The following ATRN variants were observed in gnomAD, a reference collection of about 807,000 sequenced individuals.
ATRN encodes attractin.
Under a neutral mutation model 178.7 loss-of-function variants are expected in ATRN, and 54 were observed. That is an observed-to-expected ratio of 0.30 (90% CI 0.24 to 0.38). The LOEUF is 0.38. Ranked by LOEUF, ATRN falls within the 10% of genes least tolerant of loss-of-function variation. The pLI is 1.00. For synonymous variants in ATRN, 636 were observed against 663.0 expected (o/e 0.96, Z 0.63); for missense variants, 1,443 against 1,815.1 (o/e 0.79, Z 3.73).
chr20:3,555,755 C>T (rs2085868645), intron 6 of ATRN, among the ~76,000 whole-genome samples: 1 of 152,156 alleles, frequency 6.6e-6, no homozygotes, highest in Non-Finnish European at 1.5e-5. Flanking sequence ...GAGAAATCAC[C>T]CACACTTTGC....
At chr20:3,486,923 A>G (rs2084702694) in intron 1 of ATRN, among the ~76,000 whole-genome samples, 1 of 152,060 alleles carries the variant, frequency 6.6e-6, no homozygotes, top group African/African-American at 2.4e-5. Context: ...TTTATTTGTT[A>G]TTATCTCTTA....
intron 24 of ATRN, among the ~76,000 whole-genome samples, chr20:3,618,649 A>C (rs1030538466): frequency 2.0e-5 from 3 of 152,196 alleles, no homozygotes; most frequent in Admixed American, 2.0e-4. Context: ...GTTCGTTTGC[A>C]TGGCAGGAAT....
At chr20:3,550,980 C>G (rs1165723670) in intron 6 of ATRN, among the ~76,000 whole-genome samples, 3 of 152,190 alleles carry the variant, frequency 2.0e-5, no homozygotes, top group Non-Finnish European at 4.4e-5. Flanking sequence ...TCTAAACGTT[C>G]CACATTCCAC....
chr20:3,545,713 C>A, intron 3 of ATRN, 49 bp from the exon 4 acceptor site: 1 of 1,576,642 alleles, frequency 6.3e-7, no homozygotes, highest in Non-Finnish European at 8.6e-7. Context: ...TACAATTTGA[C>A]ATGTCTGTGC....
chr20:3,531,510 G>C (rs1430659684), intron 1 of ATRN, among the ~76,000 whole-genome samples: 1 of 151,914 alleles, frequency 6.6e-6, no homozygotes, highest in Non-Finnish European at 1.5e-5. Flanking sequence ...GTAGGGAAAG[G>C]CAGGAAAAAG....
chr20:3,580,373 G>C (rs2146255671), intron 15 of ATRN, among the ~76,000 whole-genome samples: 1 of 152,274 alleles, frequency 6.6e-6, no homozygotes, highest in South Asian at 2.1e-4. Context: ...ATTCTAATCT[G>C]CTGTGGCCAC....
intron 1 of ATRN, among the ~76,000 whole-genome samples, chr20:3,505,470 T>C (rs1169984355): frequency 1.3e-5 from 2 of 152,186 alleles, no homozygotes; most frequent in Admixed American, 6.5e-5. Context: ...GCTCCTGTAA[T>C]TGTGTGAGCC....
In ATRN at chr20:3,588,976, C is replaced by CTTT. The variant is rs1375444238; in HGVS notation, c.3185-2191_3185-2189dup. ...GTTAACATACAGTTCGTAGTATTTTCTTTTGTTTTTTTTTTTTTTTTTTTG... is the reference window on the plus strand; with the variant it reads ...GTTAACATACAGTTCGTAGTATTTTCTTTTTTTGTTTTTTTTTTTTTTTTTTTG... On this transcript the variant is annotated intron_variant, in intron 18 of 28. Coordinates refer to ENST00000262919, the MANE Select transcript of ATRN (RefSeq NM_139321.3). 6.9e-4 allele frequency among the ~76,000 whole-genome samples: 40 copies of CTTT among 57,618 alleles called. 2 individuals carry two copies. The highest frequency in any genetic ancestry group is 1.9e-3 in the African/African-American group (34 of 17,840). 37.8% of individuals were successfully genotyped at this position (57,618 alleles called of 152,430 possible).
intron 1 of ATRN, among the ~76,000 whole-genome samples, chr20:3,492,012 G>A (rs553619665): frequency 6.6e-6 from 1 of 152,150 alleles, no homozygotes; most frequent in Non-Finnish European, 1.5e-5. Flanking sequence ...TATTTACGTG[G>A]ACTCTTTCAA....
At chr20:3,594,425 T>C (rs1437815356) in intron 19 of ATRN, 54 bp from the exon 20 acceptor site, 3 of 1,468,538 alleles carry the variant, frequency 2.0e-6, no homozygotes, top group African/African-American at 1.4e-5. Flanking sequence ...AAGTCTCCAA[T>C]AGTCAGAATT....
intron 27 of ATRN, among the ~76,000 whole-genome samples, chr20:3,639,330 C>T (rs924096552): frequency 6.6e-6 from 1 of 152,152 alleles, no homozygotes; most frequent in Non-Finnish European, 1.5e-5. Context: ...TCTCGGCTCA[C>T]TGCAATCTAC....
chr20:3,624,461 G>A (rs372195306), intron 24 of ATRN, 50 bp from the exon 25 acceptor site: 68 of 1,417,222 alleles, frequency 4.8e-5, no homozygotes, highest in South Asian at 1.1e-4. Flanking sequence ...GCGTGAATCC[G>A]TGGTGGTTTC....
At chr20:3,492,691 A>G (rs1400124367) in intron 1 of ATRN, among the ~76,000 whole-genome samples, 3 of 152,024 alleles carry the variant, frequency 2.0e-5, no homozygotes, top group East Asian at 1.9e-4. Context: ...CGTTTTGCGC[A>G]TGGGAGAAGC....
At chr20:3,490,121 C>A (rs2084765495) in intron 1 of ATRN, 11 of 1,477,810 alleles carry the variant, frequency 7.4e-6, no homozygotes, top group Non-Finnish European at 1.0e-5. Flanking sequence ...TTTTGGCAAA[C>A]AAAGAGTTAT....
rs1443698113 is a variant in ATRN at position 3,594,505 on chromosome 20, C to G, written c.3349C>G (p.Leu1117Val). 6.2e-7 allele frequency: 1 copy of G among 1,611,932 alleles called. No individual in the cohort carries two copies. Among genetic ancestry groups the G allele is most frequent in the Non-Finnish European group, 8.5e-7 (1 of 1,178,550 alleles). ...QPCKCNGHASLCNTNTGKCFC... is the reference protein window; with the variant it reads ...QPCKCNGHASVCNTNTGKCFC... The stretch of plus-strand genomic sequence containing the variant: ...ATGCAAGTGCAATGGGCACGCGTCT[C>G]TGTGCAACACCAACACGGGCAAGTG... The change falls in exon 20 of 29, where the codon CTG (leucine) becomes GTG (valine). Residue 1117 changes from leucine (L) to valine (V), a missense_variant. Leu to Val is a conservative substitution (Grantham distance 32, BLOSUM62 1). This residue lies in a region of ATRN where 289 missense variants were observed against 440.8 expected (regional missense o/e 0.66). Transcript: ENST00000262919.
At chr20:3,544,029 C>G (rs2085662733) in intron 3 of ATRN, among the ~76,000 whole-genome samples, 1 of 152,146 alleles carries the variant, frequency 6.6e-6, no homozygotes, top group Non-Finnish European at 1.5e-5. Flanking sequence ...TTGGGTCTAG[C>G]TAGACCTTGG....
chr20:3,472,289 G>A (rs2084441519), intron 1 of ATRN, among the ~76,000 whole-genome samples: 3 of 152,222 alleles, frequency 2.0e-5, no homozygotes, highest in East Asian at 1.9e-4. Flanking sequence ...AGATAATACA[G>A]ACAGATTAGC....
At chr20:3,533,236 A>G (rs775747491) in intron 1 of ATRN, among the ~76,000 whole-genome samples, 3 of 152,194 alleles carry the variant, frequency 2.0e-5, no homozygotes, top group Non-Finnish European at 2.9e-5. Context: ...ACACTTTCCT[A>G]AGAATAAGAA....
chr20:3,616,703 G>A (rs921239098), intron 24 of ATRN, among the ~76,000 whole-genome samples: 2 of 152,118 alleles, frequency 1.3e-5, no homozygotes, highest in African/African-American at 2.4e-5. Flanking sequence ...AGTCACCGAC[G>A]ATCAGTGTTT....
Sources: gnomAD v4.1 joint callset for allele counts (sites outside exome capture counted in the v4.1 genomes callset) on GRCh38, gnomAD v4.1.1 for gene constraint, gnomAD v4.1.1 regional missense constraint, MANE v1.5 for transcripts, NCBI Gene and HGNC (gene_info 2026-07-23, HGNC 2026-07-21) for gene names.